The following BASP1 variants were observed in gnomAD, a reference collection of about 807,000 sequenced individuals.
BASP1 encodes the protein brain abundant membrane attached signal protein 1.
In BASP1, 1 loss-of-function variant was observed where a neutral mutation model predicts 2.2. That is an observed-to-expected ratio of 0.46 (90% CI 0.16 to 2.17). The LOEUF (loss-of-function observed/expected upper bound fraction) is 2.17, where lower values mean the gene tolerates loss of function less well. BASP1 is among the 30% of genes most tolerant of loss of function. BASP1 has a pLI of 0.27. For missense variants in BASP1, 352 were observed against 327.2 expected, an observed-to-expected ratio of 1.08 and a Z score of -0.58; for synonymous variants, 187 against 154.2, an observed-to-expected ratio of 1.21 and a Z score of -1.58.
At position 17,235,264 on chromosome 5, in the gene BASP1, CT is replaced by C. The variant is rs70943880; in HGVS notation, c.-10+17468del. ...GCTCCCGTCTGCTATTTATGTTTTT[CT>C]TTTTTTTTTTTTTGAGACTGAGTCT... On this transcript the variant is annotated intron_variant, in intron 1 of 1. Transcript: ENST00000322611. Among the ~76,000 whole-genome samples the C allele has an allele frequency of 4.6e-3, 647 of 141,796 alleles. 4 individuals are homozygous for C. Among genetic ancestry groups the C allele is most frequent in the African/African-American group, 0.012 (476 of 38,368 alleles). 93.0% of individuals were successfully genotyped at this position (141,796 alleles called of 152,430 possible).
chr5:17,218,670 G>A (rs915480647), intron 1 of BASP1, among the ~76,000 whole-genome samples: 2 of 152,116 alleles, frequency 1.3e-5, no homozygotes, highest in Non-Finnish European at 2.9e-5. Context: ...CGCTGGGAGC[G>A]TAGGGTTGGG....
At chr5:17,232,135 A>C (rs1392998200) in intron 1 of BASP1, among the ~76,000 whole-genome samples, 1 of 152,204 alleles carries the variant, frequency 6.6e-6, no homozygotes, top group African/African-American at 2.4e-5. Context: ...GTGTCCTCCC[A>C]AGGTAGAGTC....
At chr5:17,230,628 A>T (rs1448707946) in intron 1 of BASP1, among the ~76,000 whole-genome samples, 1 of 151,664 alleles carries the variant, frequency 6.6e-6, no homozygotes, top group Non-Finnish European at 1.5e-5. Context: ...CAGTGGTGTG[A>T]TCTCATCTCA....
In BASP1 at chr5:17,272,436, T is replaced by C. The variant is rs562205642; in HGVS notation, c.-9-2772T>C. ...ACGAACTCAGCTAGTAGGATTTCCT[T>C]ATGGGTAAAAGGAGAATGTGAATGG... On this transcript the variant is annotated intron_variant, in intron 1 of 1. Coordinates refer to ENST00000322611, the MANE Select transcript of BASP1 (RefSeq NM_006317.5). 2.0e-5 allele frequency among the ~76,000 whole-genome samples: 3 copies of C among 152,294 alleles called. No individual in the cohort carries two copies. The South Asian group carries it at 6.2e-4, about 32-fold the overall frequency.
intron 1 of BASP1, among the ~76,000 whole-genome samples, chr5:17,245,375 T>G (rs983827548): frequency 2.6e-5 from 4 of 152,090 alleles, no homozygotes; most frequent in African/African-American, 9.7e-5. Context: ...GTCAAATAAT[T>G]CATATTTAAA....
In BASP1 at chr5:17,275,911, C is replaced by A; in HGVS notation, c.*11C>A. 6.4e-7 allele frequency: 1 copy of A among 1,555,754 alleles called. No individual in the cohort carries two copies. Among genetic ancestry groups the A allele is most frequent in the Non-Finnish European group, 8.7e-7 (1 of 1,153,396 alleles). On this transcript the variant is annotated 3_prime_UTR_variant, in exon 2 of 2. Transcript: ENST00000322611. The surrounding 1 kb of genome is among the most constrained non-coding windows in gnomAD (Gnocchi z 5.3). ...ACCGTGAAAGAGTGACAAGGACAGC[C>A]TATAGGAAAAACAATACCACTTAAA...
rs1156719174 is a variant in BASP1, at chr5:17,260,094, G to A, written c.-9-15114G>A. On this transcript the variant is annotated intron_variant, in intron 1 of 1. Coordinates refer to ENST00000322611, the MANE Select transcript of BASP1 (RefSeq NM_006317.5). The surrounding 1 kb of genome is among the most constrained non-coding windows in gnomAD (Gnocchi z 4.2). ...AATCATATGTTAGGCTGCAATAACT[G>A]GGGCTTTTGAAAGGACCACCCGTTA... Among the ~76,000 whole-genome samples, 2 of 152,166 alleles carry A rather than the reference G, an allele frequency of 1.3e-5. No homozygotes were observed. The highest frequency in any genetic ancestry group is 2.4e-5 in the African/African-American group (1 of 41,426).
At position 17,250,037 on chromosome 5, in the gene BASP1, G is replaced by C. The variant is rs933612983; in HGVS notation, c.-9-25171G>C. Among the ~76,000 whole-genome samples, 107 of 152,134 alleles carry C rather than the reference G, an allele frequency of 7.0e-4. 1 individual carries two copies. Among genetic ancestry groups the C allele is most frequent in the Non-Finnish European group, 8.8e-5 (6 of 68,040 alleles). ...AGCTCACTGTAACCTCCGCCTCTTG[G>C]ATTCAAGCAATTCTCGTGCCTCAGC... On this transcript the variant is annotated intron_variant, in intron 1 of 1. Coordinates refer to ENST00000322611, the MANE Select transcript of BASP1 (RefSeq NM_006317.5).
At chr5:17,225,353 C>T (rs756082873) in intron 1 of BASP1, among the ~76,000 whole-genome samples, 1 of 152,058 alleles carries the variant, frequency 6.6e-6, no homozygotes, top group Non-Finnish European at 1.5e-5. Flanking sequence ...ATACACCACA[C>T]ATGCCCCAGG....
In BASP1 at chr5:17,220,120, A is replaced by G. The variant is rs538877666; in HGVS notation, c.-10+2310A>G. Among the ~76,000 whole-genome samples, 9 of 152,308 alleles carry G rather than the reference A, an allele frequency of 5.9e-5. No individual in the cohort carries two copies. In the South Asian group the frequency reaches 6.2e-4, roughly 11 times the overall value. On this transcript the variant is annotated intron_variant, in intron 1 of 1. Coordinates refer to ENST00000322611, the MANE Select transcript of BASP1 (RefSeq NM_006317.5). ...GTTTAATAGGGTTTTATGCTTAAGT[A>G]CTGTCAGTACATCCTGGTGGAATAA... is the stretch of plus-strand genomic sequence containing the variant.
chr5:17,225,362 G>A (rs557994644), intron 1 of BASP1, among the ~76,000 whole-genome samples: 1 of 151,774 alleles, frequency 6.6e-6, no homozygotes, highest in South Asian at 2.1e-4. Context: ...ACATGCCCCA[G>A]GGGGACGGTG....
intron 1 of BASP1, among the ~76,000 whole-genome samples, chr5:17,274,020 A>T (rs187362439): frequency 8.6e-4 from 131 of 152,296 alleles, no homozygotes; most frequent in Admixed American, 2.6e-3. Flanking sequence ...ATGGTTCTGG[A>T]TGAAATTTAT....
chr5:17,225,826 T>C (rs1485309840), intron 1 of BASP1, among the ~76,000 whole-genome samples: 1 of 152,244 alleles, frequency 6.6e-6, no homozygotes, highest in African/African-American at 2.4e-5. Context: ...GGATGTTTAA[T>C]CTTTTTTATT....
rs538321450 is a variant in BASP1, at chr5:17,261,048, A to G, written c.-9-14160A>G. Among the ~76,000 whole-genome samples the G allele has an allele frequency of 1.2e-4, 18 of 152,342 alleles. No individual in the cohort carries two copies. The South Asian group carries it at 3.5e-3, about 30-fold the overall frequency. ...TTTTAAAAATCTATTTTATAAATAA[A>G]ATGTAAAAGGCTTAGGCAATGATGA... On this transcript the variant is annotated intron_variant, in intron 1 of 1. Coordinates refer to ENST00000322611, the MANE Select transcript of BASP1 (RefSeq NM_006317.5).
At chr5:17,264,456 G>C (rs1240543409) in intron 1 of BASP1, among the ~76,000 whole-genome samples, 1 of 152,140 alleles carries the variant, frequency 6.6e-6, no homozygotes, top group African/African-American at 2.4e-5. Flanking sequence ...GGATTGGCTG[G>C]TGTATAATTC....
At chr5:17,232,855 C>G (rs946010733) in intron 1 of BASP1, among the ~76,000 whole-genome samples, 6 of 152,132 alleles carry the variant, frequency 3.9e-5, no homozygotes, top group African/African-American at 1.2e-4. Flanking sequence ...AGACATGAGA[C>G]AGCCATCGGA....
At chr5:17,263,387 G>A (rs866642846) in intron 1 of BASP1, among the ~76,000 whole-genome samples, 3 of 151,718 alleles carry the variant, frequency 2.0e-5, no homozygotes, top group South Asian at 2.1e-4. Context: ...CTCTTGCTTC[G>A]GCCTCCCAAA....
chr5:17,262,279 T>C (rs1342386215), intron 1 of BASP1, among the ~76,000 whole-genome samples: 1 of 152,206 alleles, frequency 6.6e-6, no homozygotes, highest in African/African-American at 2.4e-5. Context: ...TTGTTCCCTT[T>C]GACATAAACA....
chr5:17,234,922 A>G (rs1739711236), intron 1 of BASP1, among the ~76,000 whole-genome samples: 1 of 152,238 alleles, frequency 6.6e-6, no homozygotes, highest in African/African-American at 2.4e-5. Flanking sequence ...TTATGTGAAT[A>G]TCACTGTAGA....
Sources: gnomAD v4.1 joint callset for allele counts (sites outside exome capture counted in the v4.1 genomes callset) on GRCh38, gnomAD v4.1.1 for gene constraint, Gnocchi (gnomAD v3.1) non-coding constraint, MANE v1.5 for transcripts, NCBI Gene and HGNC (gene_info 2026-07-23, HGNC 2026-07-21) for gene names.